The following WAPL variants were observed in gnomAD, a reference collection of about 807,000 sequenced individuals.
WAPL encodes wings apart-like protein homolog.
Under a neutral mutation model 121.0 loss-of-function variants are expected in WAPL, and 5 were observed. The ratio of observed to expected loss-of-function variants is 0.04; its 90% confidence interval spans 0.02 to 0.09. WAPL has a LOEUF of 0.09. Among genes scored for constraint, WAPL ranks in the 10% least tolerant of loss-of-function variants. WAPL has a pLI of 1.00. For synonymous variants in WAPL, 480 were observed against 481.5 expected (o/e 1.00, Z 0.04); for missense variants, 999 against 1,410.8 (o/e 0.71, Z 4.68).
intron 15 of WAPL, among the ~76,000 whole-genome samples, chr10:86,451,051 C>G (rs148313066): frequency 6.6e-6 from 1 of 151,584 alleles, no homozygotes; most frequent in African/African-American, 2.4e-5. Flanking sequence ...ACAGATCAGA[C>G]GAGTAAATAA....
intron 4 of WAPL, among the ~76,000 whole-genome samples, chr10:86,487,706 C>G (rs866691804): frequency 6.6e-6 from 1 of 152,004 alleles, no homozygotes; most frequent in African/African-American, 2.4e-5. Flanking sequence ...CTGGCTAACA[C>G]GGTGAAACCC....
chr10:86,437,598 C>T lies in WAPL; in HGVS notation c.3518G>A (p.Gly1173Glu). The T allele has an allele frequency of 1.2e-6, 2 of 1,613,798 alleles. No individual in the cohort carries two copies. Among genetic ancestry groups the T allele is most frequent in the Non-Finnish European group, 1.7e-6 (2 of 1,179,936 alleles). The change falls in exon 19 of 19, where the codon GGA becomes GAA. Residue 1173 changes from glycine to glutamate, a missense_variant. Around this residue, in one of 7 missense-constraint regions of WAPL, gnomAD observed 35 missense variants for 80.3 expected, o/e 0.44. Transcript: ENST00000298767. ...AGAGATAGATTTCTGGCCAGTTGTT[C>T]CAACAGCACACTGAAAGCAGGGTGA... is the stretch of plus-strand genomic sequence containing the variant. ...LSFMNLTCAV[G>E]TTGQKSISRV...
At chr10:86,438,999 T>C (rs1849395280) in intron 17 of WAPL, among the ~76,000 whole-genome samples, 2 of 152,106 alleles carry the variant, frequency 1.3e-5, no homozygotes, top group Non-Finnish European at 2.9e-5. Flanking sequence ...TCACCTGTAG[T>C]AAGGGGCAAA....
At chr10:86,455,035 G>A (rs1207098626) in intron 12 of WAPL, among the ~76,000 whole-genome samples, 27 of 145,928 alleles carry the variant, frequency 1.9e-4, no homozygotes, top group Admixed American at 6.8e-4. Context: ...GGCAGCCCCC[G>A]CCCGGCCAGC....
chr10:86,506,224 G>C (rs1842346014), intron 2 of WAPL, among the ~76,000 whole-genome samples: 1 of 152,092 alleles, frequency 6.6e-6, no homozygotes, highest in Non-Finnish European at 1.5e-5. Flanking sequence ...AACAGAGCGA[G>C]ACCATCTCCA....
chr10:86,459,750 C>A (rs140524902), intron 11 of WAPL, among the ~76,000 whole-genome samples: 1 of 152,280 alleles, frequency 6.6e-6, no homozygotes, highest in East Asian at 1.9e-4. Context: ...AAAATAAAAC[C>A]TGATTGCATT....
intron 15 of WAPL, among the ~76,000 whole-genome samples, chr10:86,449,769 G>T (rs929026599): frequency 1.3e-5 from 2 of 152,082 alleles, no homozygotes; most frequent in African/African-American, 2.4e-5. Flanking sequence ...ATTTTTAAAA[G>T]AAAGAGACTA....
chr10:86,461,139 A>G, intron 10 of WAPL, 37 bp downstream of exon 10: 2 of 1,484,684 alleles, frequency 1.3e-6, no homozygotes, highest in Non-Finnish European at 9.3e-7. Context: ...CAGGCTTTAA[A>G]TAATATATAA....
chr10:86,494,665 C>A (rs908797035), intron 4 of WAPL, among the ~76,000 whole-genome samples: 1 of 152,116 alleles, frequency 6.6e-6, no homozygotes, highest in South Asian at 2.1e-4. Context: ...CATAATTCAT[C>A]GTAACCAGTA....
chr10:86,482,401 A>ATATG (rs1026944372), intron 4 of WAPL, among the ~76,000 whole-genome samples: 1 of 152,228 alleles, frequency 6.6e-6, no homozygotes, highest in Admixed American at 6.5e-5. Flanking sequence ...ATGTGAATAT[A>ATATG]TATGTATGTA....
chr10:86,447,645 G>A (rs1428677803), intron 15 of WAPL, among the ~76,000 whole-genome samples: 3 of 152,162 alleles, frequency 2.0e-5, no homozygotes, highest in African/African-American at 2.4e-5. Context: ...CAGGAAGTAT[G>A]TGTTTGGTGA....
intron 3 of WAPL, among the ~76,000 whole-genome samples, chr10:86,498,684 A>T (rs1842193145): frequency 6.6e-6 from 1 of 152,204 alleles, no homozygotes; most frequent in Non-Finnish European, 1.5e-5. Flanking sequence ...GTATCCTAGA[A>T]GCTTTCACAA....
chr10:86,435,533 AG>A lies in WAPL; in HGVS notation c.*2009del, dbSNP rs1192971843. 5 of 152,648 alleles carry A rather than the reference AG, an allele frequency of 3.3e-5. No individual in the cohort carries two copies. Among genetic ancestry groups the A allele is most frequent in the Admixed American group, 3.3e-4 (5 of 15,274 alleles). The allele number at this position is 152,648 out of a possible 1,614,324, so 9.5% of individuals were successfully genotyped here. A position where few individuals can be genotyped will look rare whatever the true frequency, so the allele number is the denominator to read the frequency against. On this transcript the variant is annotated 3_prime_UTR_variant, in exon 19 of 19. Transcript: ENST00000298767. The stretch of plus-strand genomic sequence containing the variant: ...CAGCCTCAAGTACCCTAAAATGCAG[AG>A]TTCTCTGAGGGTTAAAAACACACAA...
At chr10:86,460,378 C>T in intron 11 of WAPL, 21 bp downstream of exon 11, 1 of 1,606,228 alleles carries the variant, frequency 6.2e-7, no homozygotes, top group Non-Finnish European at 8.5e-7. Flanking sequence ...TAATTTTTGC[C>T]AAATAGTCAT....
At chr10:86,513,274 G>A (rs557889599) in intron 2 of WAPL, among the ~76,000 whole-genome samples, 1 of 151,920 alleles carries the variant, frequency 6.6e-6, no homozygotes, top group African/African-American at 2.4e-5. Flanking sequence ...CTGGATTACA[G>A]CCACTGTATG....
At chr10:86,510,838 T>G (rs1442598009) in intron 2 of WAPL, among the ~76,000 whole-genome samples, 9 of 151,888 alleles carry the variant, frequency 5.9e-5, no homozygotes, top group Admixed American at 5.9e-4. Context: ...TCATCATTCT[T>G]GTTTTGTTTT....
intron 17 of WAPL, among the ~76,000 whole-genome samples, chr10:86,439,104 C>T (rs896153924): frequency 1.3e-5 from 2 of 152,132 alleles, no homozygotes; most frequent in African/African-American, 4.8e-5. Flanking sequence ...GCTCCCAATT[C>T]GACTTTTGTT....
At chr10:86,508,972 T>C (rs1457032097) in intron 2 of WAPL, among the ~76,000 whole-genome samples, 2 of 151,774 alleles carry the variant, frequency 1.3e-5, no homozygotes, top group Non-Finnish European at 2.9e-5. Flanking sequence ...CTCGATCTCC[T>C]GACCTCGTGA....
rs149475817 is a variant in WAPL at position 86,452,001 on chromosome 10, C to G, written c.3080G>C (p.Gly1027Ala). 2 of 1,614,138 alleles carry G rather than the reference C, an allele frequency of 1.2e-6. No homozygotes were observed. Among genetic ancestry groups the G allele is most frequent in the East Asian group, 4.5e-5 (2 of 44,870 alleles). The change falls in exon 15 of 19, where the codon GGT (glycine) becomes GCT (alanine). Residue 1027 changes from glycine to alanine, a missense_variant. Transcript: ENST00000298767. ...AGCCTGGACAGCATGAACTTGTCCA[C>G]CTATCCTTAAACTATCATCCCCTTC... is the stretch of plus-strand genomic sequence containing the variant. ...SGEGDDSLRI[G>A]GQVHAVQALV... is the part of the protein sequence containing the mutation.
Sources: gnomAD v4.1 joint callset for allele counts (sites outside exome capture counted in the v4.1 genomes callset) on GRCh38, gnomAD v4.1.1 for gene constraint, gnomAD v4.1.1 regional missense constraint, MANE v1.5 for transcripts, NCBI Gene and HGNC (gene_info 2026-07-23, HGNC 2026-07-21) for gene names.